The following SCN9A variants were observed in gnomAD, a reference collection of about 807,000 sequenced individuals.
SCN9A encodes the protein sodium voltage-gated channel alpha subunit 9.
A neutral mutation model predicts 187.0 loss-of-function variants in SCN9A; 131 were observed. That is an observed-to-expected ratio of 0.70 (90% CI 0.61 to 0.81). The LOEUF is 0.81. Ranked by LOEUF, SCN9A falls within the 30% of genes least tolerant of loss-of-function variation. The probability of loss-of-function intolerance (pLI) is 0.00; values close to 1 mark genes in which losing one functional copy is unlikely to be tolerated. For missense variants in SCN9A, 2,252 were observed against 2,396.6 expected (o/e 0.94, Z 1.26); for synonymous variants, 809 against 808.6 (o/e 1.00, Z -0.01).
At chr2:166,317,395 A>G (rs1168275118) in intron 1 of SCN9A, among the ~76,000 whole-genome samples, 2 of 152,110 alleles carry the variant, frequency 1.3e-5, no homozygotes, top group Non-Finnish European at 2.9e-5. Flanking sequence ...TGAAATCCCA[A>G]TGTTGCATAT....
intron 26 of SCN9A, 128 bp from the exon 27 acceptor site, chr2:166,199,992 T>TTTTTTTG: frequency 2.0e-5 from 9 of 444,206 alleles, no homozygotes; most frequent in Admixed American, 1.9e-4. Context: ...TTTTTTTTTT[T>TTTTTTTG]TTTTTTTTTT....
chr2:166,262,921 T>C (rs1696573333), intron 17 of SCN9A, among the ~76,000 whole-genome samples: 1 of 151,956 alleles, frequency 6.6e-6, no homozygotes, highest in Admixed American at 6.6e-5. Context: ...TGTCATGAAG[T>C]AGATGCTCTA....
intron 1 of SCN9A, among the ~76,000 whole-genome samples, chr2:166,371,703 C>T (rs1332275760): frequency 6.6e-6 from 1 of 152,074 alleles, no homozygotes; most frequent in Non-Finnish European, 1.5e-5. Context: ...CTACACAGTT[C>T]TAAAGGAAGA....
chr2:166,247,619 C>T (rs1202948563), intron 18 of SCN9A, among the ~76,000 whole-genome samples: 2 of 152,008 alleles, frequency 1.3e-5, no homozygotes, highest in East Asian at 1.9e-4. Context: ...TGGGTTCAAG[C>T]GATTCTCCTG....
intron 7 of SCN9A, among the ~76,000 whole-genome samples, chr2:166,295,319 T>C (rs13408109): frequency 0.38 from 57,946 of 152,074 alleles, 11,141 homozygotes; most frequent in Non-Finnish European, 0.4. Context: ...TTAAGTATGA[T>C]TAAAGGTACG....
intron 1 of SCN9A, among the ~76,000 whole-genome samples, chr2:166,349,776 C>T (rs1488830732): frequency 6.6e-6 from 1 of 152,038 alleles, no homozygotes; most frequent in Non-Finnish European, 1.5e-5. Context: ...AGTTCGAGAC[C>T]AGTCTGACCA....
rs1553474413 is a variant in SCN9A at position 166,204,475 on chromosome 2, AAAC to A, written c.4399-14_4399-12del. ...GTCTTGACCTCCAAGGTAAAGAAAC[AAAC>A]AAAAAATAAATGTAGTTAAAACCAG... On this transcript the variant is annotated splice_polypyrimidine_tract_variant and intron_variant, in intron 24 of 26. Transcript: ENST00000642356. The A allele has an allele frequency of 2.9e-6, 4 of 1,369,638 alleles. No individual in the cohort carries two copies. Among genetic ancestry groups the A allele is most frequent in the Non-Finnish European group, 2.9e-6 (3 of 1,050,966 alleles). The allele number at this position is 1,369,638 out of a possible 1,614,324, so 84.8% of individuals were successfully genotyped here.
chr2:166,354,755 G>A (rs1700113731), intron 1 of SCN9A, among the ~76,000 whole-genome samples: 1 of 152,062 alleles, frequency 6.6e-6, no homozygotes, highest in East Asian at 1.9e-4. Context: ...ACAGGGAGAA[G>A]CTATACTGAA....
chr2:166,296,421 T>C lies in SCN9A; in HGVS notation c.902-1759A>G, dbSNP rs530518927. On this transcript the variant is annotated intron_variant, in intron 7 of 26. Coordinates refer to ENST00000642356, the MANE Select transcript of SCN9A (RefSeq NM_001365536.1). ...AAAGCCTTGCAGTTTGAGGTGCAAATGTAGGTGAAAATGTGCATGAAAAGC... is the reference window on the plus strand; with the variant it reads ...AAAGCCTTGCAGTTTGAGGTGCAAACGTAGGTGAAAATGTGCATGAAAAGC... 6.6e-5 allele frequency among the ~76,000 whole-genome samples: 10 copies of C among 152,316 alleles called. No individual in the cohort carries two copies. In the East Asian group the frequency reaches 1.7e-3, roughly 26 times the overall value.
intron 24 of SCN9A, among the ~76,000 whole-genome samples, chr2:166,206,614 T>C (rs1693819753): frequency 6.6e-6 from 1 of 152,322 alleles, no homozygotes; most frequent in South Asian, 2.1e-4. Flanking sequence ...TATACCTATG[T>C]AACAAACCTG....
At chr2:166,368,340 A>G (rs1341168802) in intron 1 of SCN9A, among the ~76,000 whole-genome samples, 4 of 152,224 alleles carry the variant, frequency 2.6e-5, no homozygotes, top group Non-Finnish European at 4.4e-5. Flanking sequence ...TCCTTGTAAC[A>G]GCATAATTGC....
intron 7 of SCN9A, among the ~76,000 whole-genome samples, chr2:166,300,213 C>T (rs1423012995): frequency 2.0e-5 from 3 of 150,838 alleles, no homozygotes; most frequent in East Asian, 3.9e-4. Flanking sequence ...GATATGACCC[C>T]TATTTTTTCT....
chr2:166,263,672 T>C (rs1256211650), intron 17 of SCN9A, among the ~76,000 whole-genome samples: 1 of 152,002 alleles, frequency 6.6e-6, no homozygotes, highest in East Asian at 1.9e-4. Flanking sequence ...AACCCTGGCA[T>C]GTTTGAGTGT....
intron 2 of SCN9A, among the ~76,000 whole-genome samples, chr2:166,308,738 C>T (rs752265531): frequency 4.6e-5 from 7 of 151,860 alleles, no homozygotes; most frequent in Non-Finnish European, 1.0e-4. Flanking sequence ...CTGGCTAACA[C>T]GGTGAATCCC....
intron 17 of SCN9A, among the ~76,000 whole-genome samples, chr2:166,267,498 T>G (rs1377026994): frequency 6.6e-6 from 1 of 151,976 alleles, no homozygotes; most frequent in South Asian, 2.1e-4. Flanking sequence ...TCATCAGGGA[T>G]AGTGGCCTTC....
At chr2:166,269,864 A>G (rs1238641834) in intron 17 of SCN9A, among the ~76,000 whole-genome samples, 1 of 152,124 alleles carries the variant, frequency 6.6e-6, no homozygotes, top group Non-Finnish European at 1.5e-5. Context: ...TTTAACACCT[A>G]GAATCCAAGT....
rs764374860 is a variant in SCN9A, at chr2:166,284,612, G to A, written c.1815C>T (p.Ala605=). ...CCGGCAGCATTGGTGGGGACCTACTGGCTTGGCTGATGTTACTGCTGCGTC... is the reference window on the plus strand; with the variant it reads ...CCGGCAGCATTGGTGGGGACCTACTAGCTTGGCTGATGTTACTGCTGCGTC... ...QERRSSNISQ[A]SRSPPMLPVN... is the part of the protein sequence containing the mutation. Residue 605 remains alanine (A), a synonymous_variant, in exon 12 of 27, where the codon GCC becomes GCT. Transcript: ENST00000642356. 3 of 1,614,042 alleles carry A rather than the reference G, an allele frequency of 1.9e-6. No individual in the cohort carries two copies. Among genetic ancestry groups the A allele is most frequent in the Non-Finnish European group, 2.5e-6 (3 of 1,179,916 alleles).
In SCN9A at chr2:166,204,088, T is replaced by TAAA. The variant is rs1693674508; in HGVS notation, c.4638_4640dup (p.Val1546_Leu1547insPhe). Reference sequence around the variant, plus strand: ...TTATAAAAACCACATTTATCCAATATAAAACTTCAGTCATATGTTGACTTT... The same window carrying TAAA: ...TTATAAAAACCACATTTATCCAATATAAAAAAACTTCAGTCATATGTTGACTTT... On this transcript the variant is annotated inframe_insertion, in exon 26 of 27. Transcript: ENST00000642356. 6.2e-7 allele frequency: 1 copy of TAAA among 1,612,800 alleles called. No individual in the cohort carries two copies. Among genetic ancestry groups the TAAA allele is most frequent in the Non-Finnish European group, 8.5e-7 (1 of 1,179,184 alleles).
At position 166,277,073 on chromosome 2, in the gene SCN9A, C is replaced by G; in HGVS notation, c.2784G>C (p.Trp928Cys). ...CCATACAGTCCCACATGGTCTCTAT[C>G]CACTCTCCACACAGCACGCGGAACA... ...LIVFRVLCGE[W>C]IETMWDCMEV... is the part of the protein sequence containing the mutation. The change falls in exon 16 of 27, where the codon TGG becomes TGC. Residue 928 changes from tryptophan (W) to cysteine (C), a missense_variant. Trp to Cys is a radical substitution (Grantham distance 215). This residue lies in a region of SCN9A where 119 missense variants were observed against 188.7 expected (regional missense o/e 0.63). Transcript: ENST00000642356. 6.2e-7 allele frequency: 1 copy of G among 1,614,052 alleles called. No homozygotes were observed. The highest frequency in any genetic ancestry group is 8.5e-7 in the Non-Finnish European group (1 of 1,179,976).
Sources: allele counts gnomAD v4.1 joint callset (sites outside exome capture counted in the v4.1 genomes callset), GRCh38; gene constraint gnomAD v4.1.1; regional missense constraint gnomAD v4.1.1; transcripts MANE v1.5; gene names NCBI Gene and HGNC (gene_info 2026-07-23, HGNC 2026-07-21).